Variants in MYH3 observed in about 807,000 individuals in gnomAD.
The protein encoded by MYH3 is myosin-3.
A neutral mutation model predicts 238.0 loss-of-function variants in MYH3; 130 were observed. The ratio of observed to expected loss-of-function variants is 0.55; its 90% CI spans 0.47 to 0.63. MYH3 has a LOEUF of 0.63. Ranked by LOEUF, MYH3 falls within the 30% of genes least tolerant of loss-of-function variation. The probability of loss-of-function intolerance (pLI) is 0.00; values close to 1 mark genes in which losing one functional copy is unlikely to be tolerated. For synonymous variants in MYH3, 880 were observed against 924.1 expected, an observed-to-expected ratio of 0.95 and a Z score of 0.86; for missense variants, 1,853 against 2,374.9, an observed-to-expected ratio of 0.78 and a Z score of 4.57.
the MYH3 span, chr17:10,672,809 TG>T: frequency 6.6e-6 from 1 of 152,234 alleles, no homozygotes; most frequent in African/African-American, 2.4e-5. Context: ...ATTATTACAT[TG>T]ATTCTATTTA....
Position 10,645,847 on chromosome 17 carries a change from T to C in MYH3, c.1003-2A>G. 1 of 1,613,966 alleles carries C rather than the reference T, an allele frequency of 6.2e-7. No individual in the cohort carries two copies. The highest frequency in any genetic ancestry group is 8.5e-7 in the Non-Finnish European group (1 of 1,180,026). On this transcript the variant is annotated splice_acceptor_variant, in intron 11 of 40. Coordinates refer to ENST00000583535, the MANE Select transcript of MYH3 (RefSeq NM_002470.4). LOFTEE classifies it high-confidence loss of function. ...GAAGCCCAGGATGTCAATGGCGCTC[T>C]GGCATGGAAAGGGCAGCACGTCAGT...
chr17:10,640,377 T>C lies in MYH3; in HGVS notation c.2382A>G (p.Arg794=). 1 of 1,614,220 alleles carries C rather than the reference T, an allele frequency of 6.2e-7. No homozygotes were observed. Among genetic ancestry groups the C allele is most frequent in the Non-Finnish European group, 8.5e-7 (1 of 1,180,038 alleles). Residue 794 remains arginine, a synonymous_variant, in exon 21 of 41, where the codon AGA becomes AGG. Coordinates refer to ENST00000583535, the MANE Select transcript of MYH3 (RefSeq NM_002470.4). The part of the protein sequence containing the change: ...KLITRTQAVC[R]GFLMRVEFQK... ...GGAATTCCACACGCATGAGGAACCC[T>C]CTGCACACAGCTTGTGTCCGGGTGA...
In MYH3 at chr17:10,639,588, T is replaced by C. The variant is rs1343644391; in HGVS notation, c.2897A>G (p.Glu966Gly). 1 of 1,614,202 alleles carries C rather than the reference T, an allele frequency of 6.2e-7. No homozygotes were observed. Among genetic ancestry groups the C allele is most frequent in the South Asian group, 1.1e-5 (1 of 91,088 alleles). The change falls in exon 23 of 41, where the codon GAG becomes GGG. Residue 966 changes from glutamate (E) to glycine (G), a missense_variant. Physicochemically the swap from Glu to Gly is moderately conservative, Grantham distance 98. This residue lies in a region of MYH3 where 1,044 missense variants were observed against 1,192.6 expected (regional missense o/e 0.88). Transcript: ENST00000583535. ...DDLELTLAKV[E>G]KEKHATENKV... The stretch of plus-strand genomic sequence containing the variant: ...GTTCTCTGTGGCATGCTTCTCCTTC[T>C]CAACCTTGGCCAGGGTCAACTCAAG...
chr17:10,644,714 A>G lies in MYH3; in HGVS notation c.1142-12T>C. ...TGTTTTGTCAGCCACTGGCAAGAAA[A>G]CAAGGACAGTGCTTAGAAAAGTAGA... On this transcript the variant is annotated splice_polypyrimidine_tract_variant and intron_variant, in intron 12 of 40. Coordinates refer to ENST00000583535, the MANE Select transcript of MYH3 (RefSeq NM_002470.4). The G allele has an allele frequency of 6.3e-7, 1 of 1,584,412 alleles. No individual in the cohort carries two copies. The highest frequency in any genetic ancestry group is 8.7e-7 in the Non-Finnish European group (1 of 1,153,368).
the MYH3 span, among the ~76,000 whole-genome samples, chr17:10,665,091 G>C: frequency 6.6e-6 from 1 of 152,044 alleles, no homozygotes; most frequent in African/African-American, 2.4e-5. Context: ...TTGGGAGGTA[G>C]GGGTTGGTTA....
chr17:10,647,417 T>C lies in MYH3; in HGVS notation c.745A>G (p.Ile249Val). Reference protein sequence around the residue: ...NDNSSRFGKFIRIHFGTTGKL... With the variant: ...NDNSSRFGKFVRIHFGTTGKL... ...CCAGTGGTTCCAAAATGGATTCGGATGAACTTGCCCTGTATGGGGCGGGAT... is the reference window on the plus strand; with the variant it reads ...CCAGTGGTTCCAAAATGGATTCGGACGAACTTGCCCTGTATGGGGCGGGAT... Residue 249 changes from isoleucine to valine, a missense_variant, in exon 9 of 41, where the codon ATC becomes GTC. By Grantham distance (29) the Ile-to-Val change is conservative. This residue lies in a region of MYH3 where 678 missense variants were observed against 1,058.9 expected (regional missense o/e 0.64). Transcript: ENST00000583535. The C allele has an allele frequency of 1.9e-6, 3 of 1,614,242 alleles. No individual in the cohort carries two copies. Among genetic ancestry groups the C allele is most frequent in the Middle Eastern group, 1.6e-4 (1 of 6,062 alleles).
At position 10,632,110 on chromosome 17, in the gene MYH3, GTT is replaced by G. The variant is rs758143517; in HGVS notation, c.4957-96_4957-95del. On this transcript the variant is annotated intron_variant, in intron 34 of 40. Coordinates refer to ENST00000583535, the MANE Select transcript of MYH3 (RefSeq NM_002470.4). Reference sequence around the variant, plus strand: ...CTGAGTTTTGTTTGTTTGTTTGTTTGTTTTTGTTTTGTTTTGTTTTGTTTGTT... The same window carrying G: ...CTGAGTTTTGTTTGTTTGTTTGTTTGTTTGTTTTGTTTTGTTTTGTTTGTT... 1.8e-5 allele frequency: 25 copies of G among 1,379,702 alleles called. No individual in the cohort carries two copies. The African/African-American group carries it at 3.5e-4, about 19-fold the overall frequency. The allele number at this position is 1,379,702 out of a possible 1,614,324, so 85.5% of individuals were successfully genotyped here. A position where few individuals can be genotyped will look rare whatever the true frequency, so the allele number is the denominator to read the frequency against.
upstream of MYH3, among the ~76,000 whole-genome samples, chr17:10,660,659 AGAGT>A (rs2074474087): frequency 6.9e-6 from 1 of 144,872 alleles, no homozygotes; most frequent in Non-Finnish European, 1.5e-5. Context: ...GCTGGGCGAC[AGAGT>A]GAGACTCTGA....
chr17:10,638,867 T>C lies in MYH3; in HGVS notation c.3339+6A>G. ...CATGGAAGAGAGAAATGCAGAGGGC[T>C]CCTACCTGCAACTCTTTGATTTTCT... On this transcript the variant is annotated splice_donor_region_variant and intron_variant, in intron 26 of 40. Coordinates refer to ENST00000583535, the MANE Select transcript of MYH3 (RefSeq NM_002470.4). The C allele has an allele frequency of 1.9e-6, 3 of 1,612,628 alleles. No homozygotes were observed. Among genetic ancestry groups the C allele is most frequent in the Non-Finnish European group, 2.5e-6 (3 of 1,178,702 alleles).
intron 9 of MYH3, 29 bp from the exon 10 acceptor site, chr17:10,647,309 A>C: frequency 6.2e-7 from 1 of 1,613,696 alleles, no homozygotes; most frequent in Non-Finnish European, 8.5e-7. Context: ...ACTCTCTTTC[A>C]AACTGTTCCC....
rs193224181 is a variant in MYH3 at position 10,638,304 on chromosome 17, G to A, written c.3468C>T (p.Gly1156=). The A allele has an allele frequency of 3.6e-4, 582 of 1,612,948 alleles. No homozygotes were observed. The highest frequency in any genetic ancestry group is 4.7e-4 in the Non-Finnish European group (555 of 1,179,956). Residue 1156 remains glycine (G), a synonymous_variant, in exon 27 of 41, where the codon GGC becomes GGT. Transcript: ENST00000583535. ...TGAGCTCTATCTGCGTGGAGGTGAC[G>A]CCTCCCGCCTCCTCCAGCCGCTCGC... The part of the protein sequence containing the change: ...ELSERLEEAG[G]VTSTQIELNK...
chr17:10,648,441 G>C, intron 8 of MYH3, 116 bp downstream of exon 8: 1 of 871,362 alleles, frequency 1.1e-6, no homozygotes, highest in Non-Finnish European at 2.0e-6. Flanking sequence ...GGTCTTGTTG[G>C]GTTGTTTTGT....
In MYH3 at chr17:10,645,935, A is replaced by AGCTG. The variant is rs772752880; in HGVS notation, c.995_996insCAGC (p.Thr333SerfsTer7). 1 of 1,614,008 alleles carries AGCTG rather than the reference A, an allele frequency of 6.2e-7. No individual in the cohort carries two copies. Among genetic ancestry groups the AGCTG allele is most frequent in the Non-Finnish European group, 8.5e-7 (1 of 1,179,964 alleles). ...TTCTGTTGGTTCCACTTACGTCTGT[A>AGCTG]GCCAGCAGCTCCTCTGCATCATCTA... On this transcript the variant is annotated frameshift_variant, in exon 11 of 41. Transcript: ENST00000583535. LOFTEE classifies it high-confidence loss of function.
At position 10,654,068 on chromosome 17, in the gene MYH3, G is replaced by A. The variant is rs577131921; in HGVS notation, c.204+793C>T. 6.6e-6 allele frequency among the ~76,000 whole-genome samples: 1 copy of A among 152,188 alleles called. No individual in the cohort carries two copies. Among genetic ancestry groups the A allele is most frequent in the South Asian group, 2.1e-4 (1 of 4,824 alleles). On this transcript the variant is annotated intron_variant, in intron 3 of 40. Transcript: ENST00000583535. The surrounding 1 kb of genome is among the most constrained non-coding windows in gnomAD (Gnocchi z 4.5). Reference sequence around the variant, plus strand: ...CACCTCCCGGGTTCACGTGCAGGGCGGTTTTTAATGCCTTTTTTCCTTCAT... The same window carrying A: ...CACCTCCCGGGTTCACGTGCAGGGCAGTTTTTAATGCCTTTTTTCCTTCAT...
chr17:10,674,037 T>C, the MYH3 span: 4 of 152,180 alleles, frequency 2.6e-5, no homozygotes, highest in Admixed American at 2.0e-4. Flanking sequence ...CCCTTCCCTA[T>C]TGGGTAAAAA....
chr17:10,631,526 G>A, intron 36 of MYH3, 85 bp downstream of exon 36: 2 of 1,595,618 alleles, frequency 1.3e-6, no homozygotes, highest in Admixed American at 1.7e-5. Flanking sequence ...TGTGGCTGGG[G>A]GAGACCGCAC....
the MYH3 span, among the ~76,000 whole-genome samples, chr17:10,669,392 A>C: frequency 6.6e-6 from 1 of 151,928 alleles, no homozygotes; most frequent in Non-Finnish European, 1.5e-5. Flanking sequence ...ATCTCTACTA[A>C]AAATACAAAA....
At position 10,649,729 on chromosome 17, in the gene MYH3, A is replaced by G. The variant is rs1989810; in HGVS notation, c.534-44T>C. On this transcript the variant is annotated intron_variant, in intron 6 of 40. Transcript: ENST00000583535. The stretch of plus-strand genomic sequence containing the variant: ...AGAGAGAGAAAGAAACAAGTCTGTT[A>G]GTATAAACAGGCTTTTCAGGATGTC... 0.72 allele frequency: 1,131,556 copies of G among 1,580,702 alleles called. 415,084 individuals are homozygous for G. Among genetic ancestry groups the G allele is most frequent in the Non-Finnish European group, 0.77 (884,042 of 1,150,280 alleles).
At chr17:10,653,966 A>G (rs1008006199) in intron 3 of MYH3, among the ~76,000 whole-genome samples, 6 of 151,702 alleles carry the variant, frequency 4.0e-5, no homozygotes, top group Admixed American at 2.0e-4. Flanking sequence ...GGCGGTTCTT[A>G]TTTTTTGGGG....
Sources: gnomAD v4.1 joint callset for allele counts (sites outside exome capture counted in the v4.1 genomes callset) on GRCh38, gnomAD v4.1.1 for gene constraint, gnomAD v4.1.1 regional missense constraint, Gnocchi (gnomAD v3.1) non-coding constraint, MANE v1.5 for transcripts, NCBI Gene and HGNC (gene_info 2026-07-23, HGNC 2026-07-21) for gene names.